The following CHST7 variants were observed in gnomAD, a reference collection of about 807,000 sequenced individuals.
CHST7 encodes the protein N-acetylglucosamine 6-O-sulfotransferase 4.
Under a neutral mutation model 9.0 loss-of-function variants are expected in CHST7, and 5 were observed. The ratio of observed to expected loss-of-function variants is 0.56; its 90% CI spans 0.29 to 1.17. The LOEUF is 1.17. CHST7 is among the 50% of genes most tolerant of loss of function. The pLI is 0.08. For synonymous variants in CHST7, 244 were observed against 237.1 expected, an observed-to-expected ratio of 1.03 and a Z score of -0.27; for missense variants, 377 against 485.1, an observed-to-expected ratio of 0.78 and a Z score of 2.09.
chrX:46,598,357 C>A lies in CHST7; in HGVS notation c.*629C>A, dbSNP rs1192422380. 2 of 111,873 alleles carry A rather than the reference C, an allele frequency of 1.8e-5. No individual in the cohort carries two copies. Among genetic ancestry groups the A allele is most frequent in the African/African-American group, 3.3e-5 (1 of 30,762 alleles). 9.2% of individuals were successfully genotyped at this position (111,873 alleles called of 1,213,427 possible). A position where few individuals can be genotyped will look rare whatever the true frequency, so the allele number is the denominator to read the frequency against. On this transcript the variant is annotated 3_prime_UTR_variant, in exon 2 of 2. Coordinates refer to ENST00000276055, the MANE Select transcript of CHST7 (RefSeq NM_019886.4). ...TTTACTTTAAAATTTTTCTGTCTGGCGTTTTTGTAATCATACTATTAAATG... is the reference window on the plus strand; with the variant it reads ...TTTACTTTAAAATTTTTCTGTCTGGAGTTTTTGTAATCATACTATTAAATG...
chrX:46,575,144 G>A lies in CHST7; in HGVS notation c.1213G>A (p.Ala405Thr). The change falls in exon 1 of 2, where the codon GCG (alanine) becomes ACG (threonine). Residue 405 changes from alanine (A) to threonine (T), a missense_variant. Around this residue, in one of 3 missense-constraint regions of CHST7, gnomAD observed 130 missense variants for 134.9 expected, o/e 0.96. Transcript: ENST00000276055. ...LRALAALDAF[A>T]LNMTRGAAYG... The stretch of plus-strand genomic sequence containing the variant: ...CGCGCTCGCAGCGCTCGATGCCTTC[G>A]CGCTCAACATGACTCGCGGCGCGGC... The A allele has an allele frequency of 1.8e-6, 2 of 1,097,320 alleles. No homozygotes were observed. Among genetic ancestry groups the A allele is most frequent in the Non-Finnish European group, 2.4e-6 (2 of 848,556 alleles). 90.4% of individuals were successfully genotyped at this position (1,097,320 alleles called of 1,213,427 possible).
At chrX:46,582,049 C>A (rs1409752885) in intron 1 of CHST7, among the ~76,000 whole-genome samples, 1 of 112,014 alleles carries the variant, frequency 8.9e-6, no homozygotes, top group Non-Finnish European at 1.9e-5. Context: ...TGGGATTGAA[C>A]TCTATTTATT....
In CHST7 at chrX:46,574,909, C is replaced by G; in HGVS notation, c.978C>G (p.Gly326=). 1 of 1,151,587 alleles carries G rather than the reference C, an allele frequency of 8.7e-7. No homozygotes were observed. The highest frequency in any genetic ancestry group is 1.1e-6 in the Non-Finnish European group (1 of 871,081). The allele number at this position is 1,151,587 out of a possible 1,213,427, so 94.9% of individuals were successfully genotyped here. Residue 326 remains glycine, a synonymous_variant, in exon 1 of 2, where the codon GGC becomes GGG. Transcript: ENST00000276055. The part of the protein sequence containing the change: ...LAHGVGARPG[G]QSRALPAAPR... The stretch of plus-strand genomic sequence containing the variant: ...ACGGCGTGGGTGCTCGCCCCGGGGG[C>G]CAGTCTCGCGCGCTGCCCGCCGCGC...
At chrX:46,592,373 GTT>G (rs1269349797) in intron 1 of CHST7, among the ~76,000 whole-genome samples, 8 of 111,579 alleles carry the variant, frequency 7.2e-5, no homozygotes, top group African/African-American at 2.6e-4. Flanking sequence ...TTTGTTTTTT[GTT>G]TTGTTTTGTT....
intron 1 of CHST7, among the ~76,000 whole-genome samples, chrX:46,597,270 A>C (rs1942598570): frequency 8.9e-6 from 1 of 112,028 alleles, no homozygotes; most frequent in Non-Finnish European, 1.9e-5. Context: ...AAAGAAGAAA[A>C]AAGTTCAGGT....
rs755818180 is a variant in CHST7 at position 46,575,036 on chromosome X, C to G, written c.1105C>G (p.Arg369Gly). 1 of 1,127,995 alleles carries G rather than the reference C, an allele frequency of 8.9e-7. No individual in the cohort carries two copies. Among genetic ancestry groups the G allele is most frequent in the East Asian group, 3.5e-5 (1 of 28,724 alleles). 93.0% of individuals were successfully genotyped at this position (1,127,995 alleles called of 1,213,427 possible). ...CGGCGCGCCCGCCTGGCTGCGGCGC[C>G]GCTACCTGAGGCTGCGCTATGAGGA... ...ARGAPAWLRR[R>G]YLRLRYEDLV... The change falls in exon 1 of 2, where the codon CGC becomes GGC. Residue 369 changes from arginine to glycine, a missense_variant. Around this residue, in one of 3 missense-constraint regions of CHST7, gnomAD observed 130 missense variants for 134.9 expected, o/e 0.96. Coordinates refer to ENST00000276055, the MANE Select transcript of CHST7 (RefSeq NM_019886.4).
rs775828561 is a variant in CHST7 at position 46,574,859 on chromosome X, C to A, written c.928C>A (p.Arg310Ser). 8.5e-7 allele frequency: 1 copy of A among 1,175,574 alleles called. No individual in the cohort carries two copies. The highest frequency in any genetic ancestry group is 1.1e-6 in the Non-Finnish European group (1 of 878,199). ...GCTGCGCACCCGCCAGAGGGGCGACCGCTTCCACCGTGTGCTGCTGGCGCA... is the reference window on the plus strand; with the variant it reads ...GCTGCGCACCCGCCAGAGGGGCGACAGCTTCCACCGTGTGCTGCTGGCGCA... ...QVLRTRQRGD[R>S]FHRVLLAHGV... The change falls in exon 1 of 2, where the codon CGC becomes AGC. Residue 310 changes from arginine (R) to serine (S), a missense_variant. This residue lies in a region of CHST7 where 239 missense variants were observed against 325.7 expected (regional missense o/e 0.73). Transcript: ENST00000276055.
intron 1 of CHST7, among the ~76,000 whole-genome samples, chrX:46,576,371 A>G (rs998106549): frequency 3.6e-5 from 4 of 111,595 alleles, no homozygotes; most frequent in Non-Finnish European, 5.6e-5. Flanking sequence ...GGAGCCTTCA[A>G]TTGGCAGTAG....
chrX:46,582,059 T>C (rs1942528271), intron 1 of CHST7, among the ~76,000 whole-genome samples: 1 of 112,323 alleles, frequency 8.9e-6, no homozygotes. Flanking sequence ...CTCTATTTAT[T>C]GTTCTGCACT....
Position 46,575,299 on chromosome X carries a change from G to C in CHST7, c.1368G>C (p.Leu456=). The C allele has an allele frequency of 9.0e-7, 1 of 1,109,702 alleles. No individual in the cohort carries two copies. Among genetic ancestry groups the C allele is most frequent in the Non-Finnish European group, 1.2e-6 (1 of 849,754 alleles). 91.5% of individuals were successfully genotyped at this position (1,109,702 alleles called of 1,213,427 possible). ...CCGCCTGCGCTCCAGCCATGCGTCT[G>C]CTCGCCTACCCTCGCAGCGGAGAGG... ...VEAACAPAMR[L]LAYPRSGEEG... The change falls in exon 1 of 2, where the codon CTG becomes CTC. Residue 456 remains leucine, a synonymous_variant. Coordinates refer to ENST00000276055, the MANE Select transcript of CHST7 (RefSeq NM_019886.4).
rs1282278090 is a variant in CHST7 at position 46,574,833 on chromosome X, T to C, written c.902T>C (p.Val301Ala). Residue 301 changes from valine to alanine, a missense_variant, in exon 1 of 2, where the codon GTG (valine) becomes GCG (alanine). Val to Ala is a moderately conservative substitution (Grantham distance 64, BLOSUM62 0). Transcript: ENST00000276055. ...GGACTGCTGCGCGAGAGCATCCAGG[T>C]GCTGCGCACCCGCCAGAGGGGCGAC... Reference protein sequence around the residue: ...RQGLLRESIQVLRTRQRGDRF... With the variant: ...RQGLLRESIQALRTRQRGDRF... 8.4e-7 allele frequency: 1 copy of C among 1,186,158 alleles called. No individual in the cohort carries two copies. The highest frequency in any genetic ancestry group is 2.3e-5 in the Admixed American group (1 of 42,691).
intron 1 of CHST7, among the ~76,000 whole-genome samples, chrX:46,584,792 G>A (rs1297142776): frequency 2.7e-5 from 3 of 111,358 alleles, no homozygotes; most frequent in African/African-American, 6.5e-5. Context: ...GAGTGCAGCC[G>A]TGATCAAGAC....
intron 1 of CHST7, among the ~76,000 whole-genome samples, chrX:46,586,922 A>G (rs1237496702): frequency 9.1e-6 from 1 of 110,383 alleles, no homozygotes; most frequent in East Asian, 2.8e-4. Flanking sequence ...TTTAATAGAG[A>G]TGGGGTTTCT....
At chrX:46,591,976 T>C (rs1942575397) in intron 1 of CHST7, among the ~76,000 whole-genome samples, 1 of 111,964 alleles carries the variant, frequency 8.9e-6, no homozygotes, top group Admixed American at 9.5e-5. Context: ...TGTTTGGTTT[T>C]CTGTTCCTGT....
chrX:46,574,140 AGGCGCGGGCCGCCGAGGAAGGG>A lies in CHST7; in HGVS notation c.216_237del (p.Ala73ThrfsTer192). 4 of 1,164,647 alleles carry A rather than the reference AGGCGCGGGCCGCCGAGGAAGGG, an allele frequency of 3.4e-6. No homozygotes were observed. The highest frequency in any genetic ancestry group is 4.6e-6 in the Non-Finnish European group (4 of 872,127). On this transcript the variant is annotated frameshift_variant, in exon 1 of 2. Coordinates refer to ENST00000276055, the MANE Select transcript of CHST7 (RefSeq NM_019886.4). LOFTEE classifies it high-confidence loss of function. Reference sequence around the variant, plus strand: ...GCCGGCGAACGCGAGCAGGGAGCGGAGGCGCGGGCCGCCGAGGAAGGGGGCGCGAACCAGTCTCCTCGGTTCC... The same window carrying A: ...GCCGGCGAACGCGAGCAGGGAGCGGAGGCGCGAACCAGTCTCCTCGGTTCC...
chrX:46,594,129 T>G (rs774308798), intron 1 of CHST7, among the ~76,000 whole-genome samples: 290 of 112,723 alleles, frequency 2.6e-3, no homozygotes, highest in Middle Eastern at 4.6e-3. Context: ...ACTTTAGCAG[T>G]TCTTTTATAA....
intron 1 of CHST7, among the ~76,000 whole-genome samples, chrX:46,592,565 G>C: frequency 9.0e-6 from 1 of 111,723 alleles, no homozygotes; most frequent in South Asian, 3.7e-4. Flanking sequence ...GTTTTGCCAT[G>C]TTGGCCAGGC....
chrX:46,582,356 C>T (rs755201308), intron 1 of CHST7, among the ~76,000 whole-genome samples: 3 of 112,150 alleles, frequency 2.7e-5, no homozygotes, highest in African/African-American at 3.2e-5. Flanking sequence ...TCTTCAAAGT[C>T]GTCCAACATT....
In CHST7 at chrX:46,574,558, C is replaced by A; in HGVS notation, c.627C>A (p.Gly209=). 2 of 1,206,562 alleles carry A rather than the reference C, an allele frequency of 1.7e-6. No individual in the cohort carries two copies. The highest frequency in any genetic ancestry group is 2.2e-6 in the Non-Finnish European group (2 of 892,725). The change falls in exon 1 of 2, where the codon GGC becomes GGA. Residue 209 remains glycine, a synonymous_variant. Coordinates refer to ENST00000276055, the MANE Select transcript of CHST7 (RefSeq NM_019886.4). ...KVICSPPLCP[G]APRARAEVGL... is the part of the protein sequence containing the mutation. ...TCTGCTCGCCGCCACTGTGTCCTGG[C>A]GCACCCCGTGCCCGGGCCGAGGTGG... is the stretch of plus-strand genomic sequence containing the variant.
Sources: allele counts gnomAD v4.1 joint callset (sites outside exome capture counted in the v4.1 genomes callset), GRCh38; gene constraint gnomAD v4.1.1; regional missense constraint gnomAD v4.1.1; transcripts MANE v1.5; gene names NCBI Gene and HGNC (gene_info 2026-07-23, HGNC 2026-07-21).